SLC2A9: variants seen among roughly 807,000 people sequenced by gnomAD.
The protein encoded by SLC2A9 is solute carrier family 2 member 9, also known as solute carrier family 2, facilitated glucose transporter member 9.
Under a neutral mutation model 50.6 loss-of-function variants are expected in SLC2A9, and 39 were observed. That is an observed-to-expected ratio of 0.77 (90% CI 0.60 to 1.01). SLC2A9 has a LOEUF of 1.01. Among genes scored for constraint, SLC2A9 ranks in the 50% least tolerant of loss-of-function variants. The probability of loss-of-function intolerance (pLI) is 0.00; values close to 1 mark genes in which losing one functional copy is unlikely to be tolerated. For missense variants in SLC2A9, 686 were observed against 677.6 expected (o/e 1.01, Z -0.14); for synonymous variants, 324 against 276.9 (o/e 1.17, Z -1.69).
intron 2 of SLC2A9, among the ~76,000 whole-genome samples, chr4:10,011,090 T>C (rs1337042592): frequency 6.6e-6 from 1 of 152,200 alleles, no homozygotes; most frequent in Admixed American, 6.5e-5. Flanking sequence ...CTTTGGCTTG[T>C]TTTTTGTCTT....
intron 10 of SLC2A9, among the ~76,000 whole-genome samples, chr4:9,884,858 T>A (rs1478610886): frequency 6.6e-6 from 1 of 152,184 alleles, no homozygotes; most frequent in Non-Finnish European, 1.5e-5. Flanking sequence ...AACAAGATCA[T>A]GTCCTTTGCA....
Position 10,037,189 on chromosome 4 carries a change from C to T in SLC2A9, c.-41+2941G>A, listed in dbSNP as rs559080029. 1.8e-4 allele frequency among the ~76,000 whole-genome samples: 28 copies of T among 152,292 alleles called. No individual in the cohort carries two copies. The East Asian group carries it at 5.2e-3, about 28-fold the overall frequency. ...TTAGTACCCTCACAGCAGTATGCAACCATGATGACAATCTAATTTTGGAGC... is the reference window on the plus strand; with the variant it reads ...TTAGTACCCTCACAGCAGTATGCAATCATGATGACAATCTAATTTTGGAGC... On this transcript the variant is annotated intron_variant, in intron 1 of 12. Transcript: ENST00000309065.
At chr4:10,012,755 G>C (rs1442731131) in intron 2 of SLC2A9, among the ~76,000 whole-genome samples, 1 of 152,048 alleles carries the variant, frequency 6.6e-6, no homozygotes, top group East Asian at 1.9e-4. Flanking sequence ...CCAGCGTGCG[G>C]TGTGTTTGAG....
chr4:9,867,096 G>A (rs958853221), intron 10 of SLC2A9, among the ~76,000 whole-genome samples: 7 of 152,330 alleles, frequency 4.6e-5, no homozygotes, highest in Admixed American at 1.3e-4. Context: ...AATGGGCAGC[G>A]TGTGAATGCA....
At chr4:9,985,037 C>T (rs1205810004) in intron 4 of SLC2A9, among the ~76,000 whole-genome samples, 1 of 152,140 alleles carries the variant, frequency 6.6e-6, no homozygotes, top group Non-Finnish European at 1.5e-5. Context: ...CAGTTCTCAC[C>T]CTTGGCTCCT....
intron 5 of SLC2A9, among the ~76,000 whole-genome samples, chr4:9,958,631 A>C (rs1465807020): frequency 6.6e-6 from 1 of 152,226 alleles, no homozygotes; most frequent in Non-Finnish European, 1.5e-5. Context: ...CGCAGAACTT[A>C]AAGTACAATA....
chr4:9,930,110 C>G (rs184861202), intron 6 of SLC2A9, among the ~76,000 whole-genome samples: 1 of 152,158 alleles, frequency 6.6e-6, no homozygotes, highest in East Asian at 1.9e-4. Context: ...CTGTCCTCCC[C>G]GCAAATCCTG....
chr4:9,998,755 A>G (rs1303647832), intron 2 of SLC2A9, among the ~76,000 whole-genome samples: 2 of 152,302 alleles, frequency 1.3e-5, no homozygotes, highest in African/African-American at 4.8e-5. Context: ...CCAGGTGCCC[A>G]TGGTCGATAG....
At chr4:9,918,574 T>C (rs533489959) in intron 7 of SLC2A9, among the ~76,000 whole-genome samples, 13 of 152,342 alleles carry the variant, frequency 8.5e-5, no homozygotes, top group South Asian at 2.1e-4. Flanking sequence ...TGGAAAAGTT[T>C]CTTTATGTCT....
chr4:9,773,763 G>A (rs1311313855), intron 1 of SLC2A9, among the ~76,000 whole-genome samples: 1 of 152,166 alleles, frequency 6.6e-6, no homozygotes, highest in African/African-American at 2.4e-5. Context: ...TTGGTTTCCA[G>A]TAGCTTTTAA....
intron 5 of SLC2A9, among the ~76,000 whole-genome samples, chr4:9,958,409 G>A (rs563464549): frequency 4.9e-4 from 74 of 152,228 alleles, no homozygotes; most frequent in African/African-American, 1.7e-3. Context: ...ACCAAACACC[G>A]CATGTCCTCA....
intron 6 of SLC2A9, among the ~76,000 whole-genome samples, chr4:9,930,974 G>C (rs1745793531): frequency 6.6e-6 from 1 of 151,980 alleles, no homozygotes; most frequent in Non-Finnish European, 1.5e-5. Flanking sequence ...TAGATGATTG[G>C]AAGGAGATGG....
downstream of SLC2A9, among the ~76,000 whole-genome samples, chr4:9,798,146 G>A (rs1294102412): frequency 1.3e-5 from 2 of 152,188 alleles, no homozygotes; most frequent in African/African-American, 4.8e-5. Flanking sequence ...GGTGATCCAA[G>A]GGTTATAGGC....
chr4:9,796,373 T>C (rs1011729151), downstream of SLC2A9, among the ~76,000 whole-genome samples: 1 of 152,164 alleles, frequency 6.6e-6, no homozygotes, highest in African/African-American at 2.4e-5. Flanking sequence ...CTAATGAACA[T>C]AGGAGGCTTG....
chr4:9,848,177 G>A (rs982737477), intron 10 of SLC2A9, among the ~76,000 whole-genome samples: 2 of 152,158 alleles, frequency 1.3e-5, no homozygotes, highest in South Asian at 2.1e-4. Flanking sequence ...AAATGCCCCC[G>A]AGCTTTGGAA....
At chr4:9,812,890 G>A (rs1274940972) in intron 3 of SLC2A9, among the ~76,000 whole-genome samples, 1 of 152,158 alleles carries the variant, frequency 6.6e-6, no homozygotes, top group Non-Finnish European at 1.5e-5. Flanking sequence ...TCGACTTAAT[G>A]TACAAATTTG....
At chr4:9,829,579 C>A (rs1051970745) in intron 11 of SLC2A9, among the ~76,000 whole-genome samples, 2 of 151,448 alleles carry the variant, frequency 1.3e-5, no homozygotes, top group African/African-American at 4.8e-5. Flanking sequence ...AGTGAACATA[C>A]AACCTACACA....
chr4:9,961,667 T>C (rs1219853598), intron 5 of SLC2A9, among the ~76,000 whole-genome samples: 1 of 152,228 alleles, frequency 6.6e-6, no homozygotes, highest in South Asian at 2.1e-4. Flanking sequence ...AAAGATTTCA[T>C]GACAAAAACA....
At position 9,924,480 on chromosome 4, in the gene SLC2A9, G is replaced by A. The variant is rs143698928; in HGVS notation, c.815-3908C>T. On this transcript the variant is annotated intron_variant, in intron 6 of 11. Coordinates refer to ENST00000264784, the MANE Select transcript of SLC2A9 (RefSeq NM_020041.3). ...CCCCCAGAGGTGACTGGGTGGGTGG[G>A]GTCCCAGTTGCCCACAGCTGACACC... Among the ~76,000 whole-genome samples the A allele has an allele frequency of 4.6e-3, 707 of 152,250 alleles. 8 individuals carry two copies. Among genetic ancestry groups the A allele is most frequent in the African/African-American group, 0.016 (685 of 41,550 alleles).
Sources: gnomAD v4.1 joint callset for allele counts (sites outside exome capture counted in the v4.1 genomes callset) on GRCh38, gnomAD v4.1.1 for gene constraint, MANE v1.5 for transcripts, NCBI Gene and HGNC (gene_info 2026-07-23, HGNC 2026-07-21) for gene names.